TYW1: variants seen among roughly 807,000 people sequenced by gnomAD.
TYW1 encodes S-adenosyl-L-methionine-dependent tRNA 4-demethylwyosine synthase TYW1.
Under a neutral mutation model 96.2 loss-of-function variants are expected in TYW1, and 46 were observed. That is an observed-to-expected ratio of 0.48 (90% CI 0.38 to 0.61). The LOEUF (loss-of-function observed/expected upper bound fraction) is 0.61, where lower values mean the gene tolerates loss of function less well. Ranked by LOEUF, TYW1 falls within the 20% of genes least tolerant of loss-of-function variation. The probability of loss-of-function intolerance (pLI) is 0.00; values close to 1 mark genes in which losing one functional copy is unlikely to be tolerated. For synonymous variants in TYW1, 274 were observed against 323.0 expected (o/e 0.85, Z 1.63); for missense variants, 684 against 909.6 (o/e 0.75, Z 3.19).
chr7:67,180,632 C>CATTG (rs1554386393), intron 13 of TYW1, among the ~76,000 whole-genome samples: 2 of 147,500 alleles, frequency 1.4e-5, no homozygotes, highest in Non-Finnish European at 3.0e-5. Flanking sequence ...AATAGAAATG[C>CATTG]ATTTATTTAT....
chr7:67,033,726 C>T (rs1584485973), intron 7 of TYW1, among the ~76,000 whole-genome samples: 2 of 148,644 alleles, frequency 1.3e-5, no homozygotes, highest in South Asian at 2.1e-4. Flanking sequence ...GACGGAGTCT[C>T]GCTCTGTTGC....
intron 12 of TYW1, among the ~76,000 whole-genome samples, chr7:67,109,651 C>T (rs112801407): frequency 0.022 from 3,391 of 152,172 alleles, 58 homozygotes; most frequent in Non-Finnish European, 0.034. Context: ...GAGGCTGAGG[C>T]GGGCGGATCA....
In TYW1 at chr7:67,072,405, C is replaced by T. The variant is rs181111627; in HGVS notation, c.1274+5002C>T. ...GGGATTACAGGTGCGTGCCACCATG[C>T]CCTGCTAATTTTTTGTATCTTTTAC... is the stretch of plus-strand genomic sequence containing the variant. On this transcript the variant is annotated intron_variant, in intron 10 of 15. Transcript: ENST00000359626. Among the ~76,000 whole-genome samples, 828 of 152,128 alleles carry T rather than the reference C, an allele frequency of 5.4e-3. 7 individuals are homozygous for T. The highest frequency in any genetic ancestry group is 0.019 in the African/African-American group (789 of 41,514).
At chr7:67,202,058 A>G (rs2949108) in intron 15 of TYW1, among the ~76,000 whole-genome samples, 1 of 152,248 alleles carries the variant, frequency 6.6e-6, no homozygotes, top group African/African-American at 2.4e-5. Context: ...ATGGCCACGA[A>G]GAAATAATAC....
chr7:67,195,046 C>T, intron 14 of TYW1, 124 bp from the exon 15 acceptor site: 1 of 1,094,872 alleles, frequency 9.1e-7, no homozygotes, highest in Non-Finnish European at 1.3e-6. Flanking sequence ...TCACTTCCTT[C>T]ACTGTAAAAT....
intron 3 of TYW1, among the ~76,000 whole-genome samples, chr7:67,005,412 A>G (rs778893372): frequency 6.6e-6 from 1 of 152,210 alleles, no homozygotes; most frequent in Non-Finnish European, 1.5e-5. Context: ...CCTGTGCAAC[A>G]TGGCAAAACT....
At chr7:67,079,870 T>C (rs1796326969) in intron 10 of TYW1, among the ~76,000 whole-genome samples, 1 of 152,220 alleles carries the variant, frequency 6.6e-6, no homozygotes, top group Non-Finnish European at 1.5e-5. Flanking sequence ...AAGAGTGTGC[T>C]ATTTGGTTTC....
Position 67,222,403 on chromosome 7 carries a change from T to C in TYW1, c.1978-15905T>C, listed in dbSNP as rs182634064. ...AGATCTAGTAGATTGATGAACTCCC[T>C]CAGCTTTTGTTTATTTGGAAATGTC... On this transcript the variant is annotated intron_variant, in intron 15 of 15. Coordinates refer to ENST00000359626, the MANE Select transcript of TYW1 (RefSeq NM_018264.4). Among the ~76,000 whole-genome samples the C allele has an allele frequency of 6.6e-5, 10 of 152,330 alleles. No individual in the cohort carries two copies. In the East Asian group the frequency reaches 1.9e-3, roughly 29 times the overall value.
chr7:67,050,736 A>T (rs1159085755), intron 8 of TYW1, among the ~76,000 whole-genome samples: 5 of 152,020 alleles, frequency 3.3e-5, no homozygotes, highest in African/African-American at 7.2e-5. Context: ...ATTTAAATTT[A>T]TCTTGCTATT....
chr7:67,092,298 A>C (rs532208551), intron 11 of TYW1, among the ~76,000 whole-genome samples: 70 of 151,748 alleles, frequency 4.6e-4, no homozygotes, highest in Non-Finnish European at 7.8e-4. Context: ...TTTTTGTATT[A>C]TATTATAGTC....
chr7:67,043,590 A>T (rs1317400109), intron 7 of TYW1, among the ~76,000 whole-genome samples: 5 of 152,144 alleles, frequency 3.3e-5, no homozygotes, highest in Admixed American at 1.3e-4. Context: ...TTGCAGTGGA[A>T]TAACAGGAAG....
intron 13 of TYW1, among the ~76,000 whole-genome samples, chr7:67,154,377 T>G (rs1363804191): frequency 6.6e-6 from 1 of 152,224 alleles, no homozygotes; most frequent in Non-Finnish European, 1.5e-5. Flanking sequence ...AAACATTTCT[T>G]GTACAGTCAG....
chr7:67,117,822 T>C (rs1797640984), intron 13 of TYW1, among the ~76,000 whole-genome samples: 1 of 152,252 alleles, frequency 6.6e-6, no homozygotes, highest in Admixed American at 6.5e-5. Flanking sequence ...TAAATAATTA[T>C]TGAGTTCCTC....
intron 15 of TYW1, among the ~76,000 whole-genome samples, chr7:67,217,873 T>TGA (rs1301319878): frequency 9.1e-6 from 1 of 109,568 alleles, no homozygotes; most frequent in Non-Finnish European, 1.9e-5. Flanking sequence ...TTTTTTTTTT[T>TGA]GAGACAGAGT....
chr7:67,036,114 G>A (rs1584488566), intron 7 of TYW1, among the ~76,000 whole-genome samples: 1 of 148,476 alleles, frequency 6.7e-6, no homozygotes, highest in Non-Finnish European at 1.5e-5. Context: ...ACACACTTTG[G>A]TGTCATGTTG....
intron 7 of TYW1, among the ~76,000 whole-genome samples, chr7:67,049,007 C>CT (rs1239861998): frequency 2.0e-5 from 3 of 152,188 alleles, no homozygotes; most frequent in Non-Finnish European, 2.9e-5. Flanking sequence ...AAGCGAGACT[C>CT]TGTTTCAAAA....
chr7:67,182,770 G>C (rs1799880396), intron 13 of TYW1, among the ~76,000 whole-genome samples: 1 of 151,996 alleles, frequency 6.6e-6, no homozygotes, highest in African/African-American at 2.4e-5. Context: ...AAGCCTAGAG[G>C]GTATTTCAAT....
At chr7:67,087,815 G>A (rs1351129641) in intron 11 of TYW1, among the ~76,000 whole-genome samples, 4 of 152,086 alleles carry the variant, frequency 2.6e-5, no homozygotes, top group Non-Finnish European at 4.4e-5. Context: ...GGGTCAGCAC[G>A]TAGGCATAAG....
At chr7:67,130,125 A>G (rs1798022193) in intron 13 of TYW1, among the ~76,000 whole-genome samples, 1 of 152,030 alleles carries the variant, frequency 6.6e-6, no homozygotes, top group Admixed American at 6.6e-5. Context: ...TCATGCCTCT[A>G]ATCCCAGCAC....
Sources: gnomAD v4.1 joint callset for allele counts (sites outside exome capture counted in the v4.1 genomes callset) on GRCh38, gnomAD v4.1.1 for gene constraint, MANE v1.5 for transcripts, NCBI Gene and HGNC (gene_info 2026-07-23, HGNC 2026-07-21) for gene names.